NAP1L4: variants seen among roughly 807,000 people sequenced by gnomAD.
The protein encoded by NAP1L4 is nucleosome assembly protein 1-like 4.
NAP1L4 carries 15 observed loss-of-function variants against 58.2 expected under a neutral mutation model. The observed-to-expected ratio is 0.26, with a 90% confidence interval of 0.17 to 0.40. The LOEUF (loss-of-function observed/expected upper bound fraction) is 0.40. NAP1L4 is among the 10% of genes least tolerant of loss of function. The pLI is 1.00. For missense variants in NAP1L4, 384 were observed against 451.1 expected (o/e 0.85, Z 1.35); for synonymous variants, 171 against 155.6 (o/e 1.10, Z -0.74).
chr11:2,982,014 C>G (rs1245155139), intron 1 of NAP1L4, among the ~76,000 whole-genome samples: 1 of 152,158 alleles, frequency 6.6e-6, no homozygotes, highest in Non-Finnish European at 1.5e-5. Flanking sequence ...AGGTGTGAGA[C>G]AGTCAGACTT....
chr11:2,967,665 A>T (rs182274453), intron 7 of NAP1L4, among the ~76,000 whole-genome samples: 1 of 152,172 alleles, frequency 6.6e-6, no homozygotes, highest in Admixed American at 6.5e-5. Flanking sequence ...AGAATATGCT[A>T]CCATTACCTG....
chr11:2,986,258 C>CT (rs1848609333), intron 1 of NAP1L4, among the ~76,000 whole-genome samples: 1 of 151,932 alleles, frequency 6.6e-6, no homozygotes, highest in Admixed American at 6.6e-5. Flanking sequence ...CCTGAGGTCC[C>CT]AGCTACTCAG....
chr11:2,949,027 C>A lies in NAP1L4; in HGVS notation c.*32+200G>T, dbSNP rs1197608554. Reference sequence around the variant, plus strand: ...TTTGCTACTTGGTTAGCAAGAAACACTGGGCTCAGAAAGCAGGGACCAAAT... The same window carrying A: ...TTTGCTACTTGGTTAGCAAGAAACAATGGGCTCAGAAAGCAGGGACCAAAT... On this transcript the variant is annotated intron_variant, in intron 15 of 15. Transcript: ENST00000380542. The surrounding 1 kb of genome is among the most constrained non-coding windows in gnomAD (Gnocchi z 4.0). Among the ~76,000 whole-genome samples, 1 of 152,198 alleles carries A rather than the reference C, an allele frequency of 6.6e-6. No individual in the cohort carries two copies. Among genetic ancestry groups the A allele is most frequent in the African/African-American group, 2.4e-5 (1 of 41,450 alleles).
intron 2 of NAP1L4, 94 bp from the exon 3 acceptor site, chr11:2,978,436 G>A: frequency 1.7e-6 from 2 of 1,189,556 alleles, no homozygotes; most frequent in Non-Finnish European, 2.4e-6. Flanking sequence ...ATATTAAGAG[G>A]TATCTGTACA....
At chr11:2,988,297 T>C (rs974287859) in intron 1 of NAP1L4, among the ~76,000 whole-genome samples, 4 of 152,234 alleles carry the variant, frequency 2.6e-5, no homozygotes, top group Admixed American at 6.5e-5. Flanking sequence ...ATCCAGTACA[T>C]ATTAAAAGAT....
chr11:2,978,771 CACA>C (rs1432102043), intron 2 of NAP1L4, among the ~76,000 whole-genome samples: 3 of 152,264 alleles, frequency 2.0e-5, no homozygotes, highest in African/African-American at 4.8e-5. Flanking sequence ...TAAAATTAGC[CACA>C]ACAAGTGTAA....
Position 2,954,679 on chromosome 11 carries a change from T to A in NAP1L4, c.916-33A>T, listed in dbSNP as rs944619144. On this transcript the variant is annotated intron_variant, in intron 11 of 15. Transcript: ENST00000380542. This position sits in a 1 kb window ranked among gnomAD's most constrained non-coding sequence, Gnocchi z 4.8. ...GGAAAAACCTACGTGTTAACTCATT[T>A]TAATGGGATAAAAACATTCACTTCA... 1.2e-6 allele frequency: 2 copies of A among 1,613,984 alleles called. No individual in the cohort carries two copies. Among genetic ancestry groups the A allele is most frequent in the Non-Finnish European group, 8.5e-7 (1 of 1,179,920 alleles).
In NAP1L4 at chr11:2,959,732, T is replaced by A. The variant is rs762453700; in HGVS notation, c.746+38A>T. 1.2e-6 allele frequency: 2 copies of A among 1,607,082 alleles called. No homozygotes were observed. The highest frequency in any genetic ancestry group is 1.7e-5 in the Admixed American group (1 of 59,068). ...CAAGTTACAAAATTATCTTTTGATTTTGTTTCAGAAAAACAAGGTAGAATG... is the reference window on the plus strand; with the variant it reads ...CAAGTTACAAAATTATCTTTTGATTATGTTTCAGAAAAACAAGGTAGAATG... On this transcript the variant is annotated intron_variant, in intron 9 of 15. Transcript: ENST00000380542. This position sits in a 1 kb window ranked among gnomAD's most constrained non-coding sequence, Gnocchi z 4.9.
In NAP1L4 at chr11:2,967,751, A is replaced by G. The variant is rs536721961; in HGVS notation, c.534+2052T>C. 1.1e-3 allele frequency among the ~76,000 whole-genome samples: 174 copies of G among 152,330 alleles called. 1 individual carries two copies. Among genetic ancestry groups the G allele is most frequent in the African/African-American group, 4.0e-3 (168 of 41,570 alleles). ...AAATGAGTACTCTATCAACCCCTGC[A>G]TATCTTTTTAAAGCTGTTAAAACAA... On this transcript the variant is annotated intron_variant, in intron 7 of 15. Coordinates refer to ENST00000380542, the MANE Select transcript of NAP1L4 (RefSeq NM_005969.4).
At chr11:2,961,125 C>CG (rs58555747) in intron 8 of NAP1L4, among the ~76,000 whole-genome samples, 74,556 of 151,624 alleles carry the variant, frequency 0.49, 19,350 homozygotes, top group East Asian at 0.83. Flanking sequence ...AAACCATCAA[C>CG]GGGGGGGAAA....
rs1846134237 is a variant in NAP1L4, at chr11:2,949,925, AC to A, written c.1123-662del. On this transcript the variant is annotated intron_variant, in intron 14 of 15. Coordinates refer to ENST00000380542, the MANE Select transcript of NAP1L4 (RefSeq NM_005969.4). This position sits in a 1 kb window ranked among gnomAD's most constrained non-coding sequence, Gnocchi z 4.0. Reference sequence around the variant, plus strand: ...TCTGAGGAGGTGGCCCTGCCAATTGACCCCAGTCCTTGCTTTACAACTGCAA... The same window carrying A: ...TCTGAGGAGGTGGCCCTGCCAATTGACCCAGTCCTTGCTTTACAACTGCAA... Among the ~76,000 whole-genome samples, 1 of 152,186 alleles carries A rather than the reference AC, an allele frequency of 6.6e-6. No homozygotes were observed. The highest frequency in any genetic ancestry group is 1.5e-5 in the Non-Finnish European group (1 of 68,026).
chr11:2,981,574 A>C (rs1271044924), intron 1 of NAP1L4: 3 of 152,462 alleles, frequency 2.0e-5, no homozygotes, highest in Non-Finnish European at 4.4e-5. Flanking sequence ...CACACCTGTA[A>C]TCCCAGCACT....
intron 1 of NAP1L4, among the ~76,000 whole-genome samples, chr11:2,982,808 G>A (rs1480603329): frequency 5.9e-5 from 9 of 152,134 alleles, no homozygotes; most frequent in Admixed American, 5.2e-4. Context: ...AGATCACGAC[G>A]TGAGGAGTTC....
At chr11:2,963,332 G>A (rs1011174109) in intron 8 of NAP1L4, among the ~76,000 whole-genome samples, 3 of 152,152 alleles carry the variant, frequency 2.0e-5, no homozygotes, top group Non-Finnish European at 2.9e-5. Flanking sequence ...ACGTGCCCAG[G>A]CGGCTCCTGG....
At position 2,992,303 on chromosome 11, in the gene NAP1L4, G is replaced by T. The variant is rs375487081; in HGVS notation, c.-67C>A. 6.6e-6 allele frequency: 1 copy of T among 152,324 alleles called. No homozygotes were observed. Among genetic ancestry groups the T allele is most frequent in the Admixed American group, 6.5e-5 (1 of 15,280 alleles). 9.4% of individuals were successfully genotyped at this position (152,324 alleles called of 1,614,324 possible). A position where few individuals can be genotyped will look rare whatever the true frequency, so the allele number is the denominator to read the frequency against. On this transcript the variant is annotated 5_prime_UTR_variant, in exon 1 of 16. Coordinates refer to ENST00000380542, the MANE Select transcript of NAP1L4 (RefSeq NM_005969.4). ...GCGACCCTAGCTTCGCTCGCTTTGG[G>T]GCTGCGCCGCCGTGGCCTCCAACAA...
chr11:2,986,808 A>G (rs531021136), intron 1 of NAP1L4, among the ~76,000 whole-genome samples: 1 of 147,582 alleles, frequency 6.8e-6, no homozygotes, highest in Admixed American at 6.8e-5. Context: ...TTGTATTTTT[A>G]GTAGAGACAG....
Position 2,951,239 on chromosome 11 carries a change from G to A in NAP1L4, c.1122+20C>T, listed in dbSNP as rs1298914232. 1 of 1,609,852 alleles carries A rather than the reference G, an allele frequency of 6.2e-7. No homozygotes were observed. ...AGTGCAGCATAATAAGTAGGTCTGG[G>A]TGGCCCCAAAGTTACCAACCTTGGG... On this transcript the variant is annotated intron_variant, in intron 14 of 15. Transcript: ENST00000380542. The surrounding 1 kb of genome is among the most constrained non-coding windows in gnomAD (Gnocchi z 4.0).
chr11:2,973,394 A>C (rs2133978663), intron 4 of NAP1L4, among the ~76,000 whole-genome samples: 1 of 152,308 alleles, frequency 6.6e-6, no homozygotes, highest in African/African-American at 2.4e-5. Flanking sequence ...CATAGACCCA[A>C]ATAATCTACC....
rs1564990154 is a variant in NAP1L4 at position 2,981,418 on chromosome 11, C to CCA, written c.-17-2182_-17-2181insTG. Among the ~76,000 whole-genome samples, 24 of 41,284 alleles carry CCA rather than the reference C, an allele frequency of 5.8e-4. 3 individuals are homozygous for CCA. Among genetic ancestry groups the CCA allele is most frequent in the Admixed American group, 8.8e-4 (2 of 2,266 alleles). The allele number at this position is 41,284 out of a possible 152,430, so 27.1% of individuals were successfully genotyped here. A position where few individuals can be genotyped will look rare whatever the true frequency, so the allele number is the denominator to read the frequency against. On this transcript the variant is annotated intron_variant, in intron 1 of 15. Transcript: ENST00000380542. ...GGACAACAGAGCAAGTACCCTGTCT[C>CCA]AAAAAAAAAAAAAAAAAAAAAAAAA...
Sources: allele counts gnomAD v4.1 joint callset (sites outside exome capture counted in the v4.1 genomes callset), GRCh38; gene constraint gnomAD v4.1.1; non-coding constraint Gnocchi (gnomAD v3.1); transcripts MANE v1.5; gene names NCBI Gene and HGNC (gene_info 2026-07-23, HGNC 2026-07-21).